Variants in RYR2 observed in about 807,000 individuals in gnomAD.
RYR2 encodes ryanodine receptor 2.
RYR2 carries 227 observed loss-of-function variants against 601.1 expected under a neutral mutation model. That is an observed-to-expected ratio of 0.38 (90% CI 0.34 to 0.42). RYR2 has a LOEUF of 0.42. Ranked by LOEUF, RYR2 falls within the 10% of genes least tolerant of loss-of-function variation. The pLI is 1.00. For missense variants in RYR2, 4,646 were observed against 6,156.5 expected (o/e 0.75, Z 8.21); for synonymous variants, 2,223 against 2,175.1 (o/e 1.02, Z -0.61).
chr1:237,144,305 T>G (rs922902279), intron 1 of RYR2, among the ~76,000 whole-genome samples: 6 of 152,222 alleles, frequency 3.9e-5, no homozygotes, highest in Non-Finnish European at 8.8e-5. Flanking sequence ...CACTATTTGT[T>G]ACACATAGTT....
intron 1 of RYR2, among the ~76,000 whole-genome samples, chr1:237,260,052 T>C (rs1688368700): frequency 1.3e-5 from 2 of 152,236 alleles, no homozygotes; most frequent in African/African-American, 4.8e-5. Context: ...TGTGTAGTGT[T>C]GTTACCTTCT....
intron 79 of RYR2, among the ~76,000 whole-genome samples, chr1:237,738,039 C>T (rs1573743010): frequency 6.6e-6 from 1 of 152,106 alleles, no homozygotes; most frequent in Non-Finnish European, 1.5e-5. Context: ...TCCCAGTTGT[C>T]TGGAACTTTC....
Position 237,610,825 on chromosome 1 carries a change from C to G in RYR2, c.4747C>G (p.Pro1583Ala). 6.2e-7 allele frequency: 1 copy of G among 1,612,338 alleles called. No homozygotes were observed. The highest frequency in any genetic ancestry group is 8.5e-7 in the Non-Finnish European group (1 of 1,179,372). Residue 1583 changes from proline to alanine, a missense_variant, in exon 36 of 105, where the codon CCC becomes GCC. By Grantham distance (27) the Pro-to-Ala change is conservative. Transcript: ENST00000366574. The surrounding 1 kb of genome is among the most constrained non-coding windows in gnomAD (Gnocchi z 4.9). The stretch of plus-strand genomic sequence containing the variant: ...GCACAAGAACCCCGTGCCGCAGTGC[C>G]CCCCGCGCCTCCACGTGCAGTTCCT... ...SEHKNPVPQC[P>A]PRLHVQFLSH...
intron 24 of RYR2, among the ~76,000 whole-genome samples, chr1:237,528,807 G>A (rs12141713): frequency 0.065 from 9,936 of 152,108 alleles, 391 homozygotes; most frequent in Middle Eastern, 0.18. Context: ...CTGAGGTACT[G>A]ATTTGCAGTG....
chr1:237,139,220 A>G (rs1673122036), intron 1 of RYR2, among the ~76,000 whole-genome samples: 1 of 152,228 alleles, frequency 6.6e-6, no homozygotes, highest in Non-Finnish European at 1.5e-5. Context: ...ATACTACCAT[A>G]TATACTACCA....
At chr1:237,594,917 T>TTTTTTTTTTTTTTTTTTG (rs1675707518) in intron 33 of RYR2, among the ~76,000 whole-genome samples, 1 of 84,210 alleles carries the variant, frequency 1.2e-5, no homozygotes, top group African/African-American at 3.6e-5. Context: ...TTTTTTTTTT[T>TTTTTTTTTTTTTTTTTTG]TTTTTTTTTT....
chr1:237,082,626 A>G (rs976492613), intron 1 of RYR2, among the ~76,000 whole-genome samples: 6 of 147,602 alleles, frequency 4.1e-5, no homozygotes, highest in African/African-American at 1.5e-4. Flanking sequence ...TCTGTTTCCA[A>G]GTTCTCAGTA....
rs1390504222 is a variant in RYR2 at position 237,625,916 on chromosome 1, C to T, written c.6166+112C>T. Reference sequence around the variant, plus strand: ...AGTGAGATAATTGAGTTTGCAACTTCCAAGAATCAGACTCTTAAGTAGATG... The same window carrying T: ...AGTGAGATAATTGAGTTTGCAACTTTCAAGAATCAGACTCTTAAGTAGATG... On this transcript the variant is annotated intron_variant, in intron 40 of 104. Coordinates refer to ENST00000366574, the MANE Select transcript of RYR2 (RefSeq NM_001035.3). The T allele has an allele frequency of 3.3e-6, 4 of 1,229,220 alleles. No individual in the cohort carries two copies. The Admixed American group carries it at 9.4e-5, about 29-fold the overall frequency. The allele number at this position is 1,229,220 out of a possible 1,614,324, so 76.1% of individuals were successfully genotyped here. A position where few individuals can be genotyped will look rare whatever the true frequency, so the allele number is the denominator to read the frequency against.
chr1:237,225,890 A>T (rs923889223), intron 1 of RYR2, among the ~76,000 whole-genome samples: 2 of 152,114 alleles, frequency 1.3e-5, no homozygotes, highest in African/African-American at 4.8e-5. Flanking sequence ...CCCTGTCTCT[A>T]CTAGAAATAC....
At chr1:237,762,425 C>A (rs150870395) in intron 84 of RYR2, among the ~76,000 whole-genome samples, 38 of 152,312 alleles carry the variant, frequency 2.5e-4, no homozygotes, top group African/African-American at 9.1e-4. Flanking sequence ...TGAATGAAGT[C>A]TCTGTCCAAA....
chr1:237,368,806 T>C (rs1700406329), intron 5 of RYR2, among the ~76,000 whole-genome samples: 3 of 145,182 alleles, frequency 2.1e-5, no homozygotes, highest in Non-Finnish European at 3.0e-5. Context: ...AACGTTTATT[T>C]ATTTATTTAT....
At chr1:237,371,159 A>G (rs1179569561) in intron 6 of RYR2, among the ~76,000 whole-genome samples, 2 of 150,678 alleles carry the variant, frequency 1.3e-5, no homozygotes, top group Non-Finnish European at 3.0e-5. Flanking sequence ...TACCAAATTT[A>G]TATCATTTTG....
At chr1:237,149,313 A>AAAAACG (rs1328305011) in intron 1 of RYR2, among the ~76,000 whole-genome samples, 2 of 152,066 alleles carry the variant, frequency 1.3e-5, no homozygotes, top group Non-Finnish European at 2.9e-5. Context: ...AAACAAAAAC[A>AAAAACG]AAAACAAAAA....
intron 1 of RYR2, among the ~76,000 whole-genome samples, chr1:237,065,986 C>T (rs1454203651): frequency 1.3e-5 from 2 of 152,204 alleles, no homozygotes; most frequent in African/African-American, 2.4e-5. Context: ...AATCCCCACC[C>T]ATGCTCCAGT....
chr1:237,516,088 G>A (rs1467393392), intron 24 of RYR2, among the ~76,000 whole-genome samples: 5 of 149,380 alleles, frequency 3.3e-5, no homozygotes, highest in Non-Finnish European at 5.9e-5. Flanking sequence ...TTTCTTGCTG[G>A]CAACAATCTT....
chr1:237,558,753 T>G lies in RYR2; in HGVS notation c.3215-7814T>G, dbSNP rs1671161148. On this transcript the variant is annotated intron_variant, in intron 27 of 104. Coordinates refer to ENST00000366574, the MANE Select transcript of RYR2 (RefSeq NM_001035.3). ...TCCATTATGTGTATGTTGGTATGGT[T>G]GAGTGTATCCCCCAGGCCTCTGAAG... Among the ~76,000 whole-genome samples the G allele has an allele frequency of 3.3e-5, 5 of 152,136 alleles. No homozygotes were observed. In the South Asian group the frequency reaches 8.3e-4, roughly 25 times the overall value.
At chr1:237,253,795 G>A (rs1359384727) in intron 1 of RYR2, among the ~76,000 whole-genome samples, 1 of 152,182 alleles carries the variant, frequency 6.6e-6, no homozygotes, top group African/African-American at 2.4e-5. Flanking sequence ...GAAAAGTGAG[G>A]TAATTTACGG....
intron 1 of RYR2, among the ~76,000 whole-genome samples, chr1:237,248,988 C>T (rs536438652): frequency 3.0e-4 from 45 of 152,218 alleles, no homozygotes; most frequent in African/African-American, 1.1e-3. Context: ...TGGTCTTGAA[C>T]TCCCAATCTC....
In RYR2 at chr1:237,131,901, G is replaced by T. The variant is rs142103148; in HGVS notation, c.48+89332G>T. On this transcript the variant is annotated intron_variant, in intron 1 of 104. Transcript: ENST00000366574. The stretch of plus-strand genomic sequence containing the variant: ...ATGTTTGGCTGATTTTTAAAAAAAT[G>T]TGTATGTAGGTGGGGACGCCCTACG... Among the ~76,000 whole-genome samples, 256 of 151,892 alleles carry T rather than the reference G, an allele frequency of 1.7e-3. 1 individual carries two copies. Among genetic ancestry groups the T allele is most frequent in the African/African-American group, 6.0e-3 (248 of 41,426 alleles).
Sources: gnomAD v4.1 joint callset for allele counts (sites outside exome capture counted in the v4.1 genomes callset) on GRCh38, gnomAD v4.1.1 for gene constraint, Gnocchi (gnomAD v3.1) non-coding constraint, MANE v1.5 for transcripts, NCBI Gene and HGNC (gene_info 2026-07-23, HGNC 2026-07-21) for gene names.